ATF7IP: variants seen among roughly 807,000 people sequenced by gnomAD.
The protein encoded by ATF7IP is activating transcription factor 7 interacting protein.
Under a neutral mutation model 106.4 loss-of-function variants are expected in ATF7IP, and 23 were observed. The ratio of observed to expected loss-of-function variants is 0.22; its 90% CI spans 0.16 to 0.31. The LOEUF (loss-of-function observed/expected upper bound fraction) is 0.31, where lower values mean the gene tolerates loss of function less well. Among genes scored for constraint, ATF7IP ranks in the 10% least tolerant of loss-of-function variants. The probability of loss-of-function intolerance (pLI) is 1.00; values close to 1 mark genes in which losing one functional copy is unlikely to be tolerated. For missense variants in ATF7IP, 1,334 were observed against 1,524.3 expected (o/e 0.88, Z 2.08); for synonymous variants, 542 against 539.0 (o/e 1.01, Z -0.08).
chr12:14,489,920 CT>C (rs1486501585), intron 13 of ATF7IP, among the ~76,000 whole-genome samples: 1 of 152,196 alleles, frequency 6.6e-6, no homozygotes, highest in Non-Finnish European at 1.5e-5. Context: ...GAGTATATGT[CT>C]ATTCCAGGGA....
At chr12:14,423,574 C>CTT in intron 1 of ATF7IP, among the ~76,000 whole-genome samples, 363 of 34,298 alleles carry the variant, frequency 0.011, 9 homozygotes, top group African/African-American at 0.029. Context: ...TCTTCAGGTA[C>CTT]TTTTTTTTTT....
At chr12:14,492,363 C>G (rs1180723222) in intron 13 of ATF7IP, among the ~76,000 whole-genome samples, 2 of 152,070 alleles carry the variant, frequency 1.3e-5, no homozygotes, top group East Asian at 1.9e-4. Flanking sequence ...CACAGTTACC[C>G]TGGTAAAAGG....
rs139380021 is a variant in ATF7IP at position 14,380,474 on chromosome 12, A to T, written c.-8+14647A>T. ...TTAGGTCTTATGTCTTGTGCTGGTC[A>T]GACACCCTCAGGGAATAGTCTTCCA... On this transcript the variant is annotated intron_variant, in intron 1 of 14. Coordinates refer to ENST00000261168, the MANE Select transcript of ATF7IP (RefSeq NM_018179.5). Among the ~76,000 whole-genome samples the T allele has an allele frequency of 3.3e-5, 5 of 152,308 alleles. No individual in the cohort carries two copies. The East Asian group carries it at 9.6e-4, about 29-fold the overall frequency.
chr12:14,485,724 C>T (rs2098547), intron 13 of ATF7IP, among the ~76,000 whole-genome samples: 61,671 of 151,984 alleles, frequency 0.41, 13,222 homozygotes, highest in East Asian at 0.59. Flanking sequence ...AAAGGATTTG[C>T]CAAGTCAATG....
intron 1 of ATF7IP, chr12:14,419,287 C>T (rs994030106): frequency 1.3e-5 from 2 of 152,112 alleles, no homozygotes; most frequent in African/African-American, 4.8e-5. Context: ...AATCTGTCTA[C>T]AGTCTACAGA....
intron 13 of ATF7IP, among the ~76,000 whole-genome samples, chr12:14,483,661 C>G (rs1357563267): frequency 6.6e-6 from 1 of 152,024 alleles, no homozygotes; most frequent in Non-Finnish European, 1.5e-5. Context: ...ACCCATGAAT[C>G]CTGGCTATGG....
At chr12:14,497,241 T>C (rs973949944) in intron 14 of ATF7IP, among the ~76,000 whole-genome samples, 52 of 152,338 alleles carry the variant, frequency 3.4e-4, no homozygotes, top group African/African-American at 1.1e-3. Flanking sequence ...ATTCTCCAAT[T>C]TTATATGATC....
chr12:14,478,361 T>C lies in ATF7IP; in HGVS notation c.2986T>C (p.Ser996Pro). 6.2e-7 allele frequency: 1 copy of C among 1,614,074 alleles called. No homozygotes were observed. Among genetic ancestry groups the C allele is most frequent in the Non-Finnish European group, 8.5e-7 (1 of 1,179,958 alleles). Reference sequence around the variant, plus strand: ...CACTCCTGTATCAACCATGAGTTCTTCTCAGCCTGTGTCACGACCATTGCA... The same window carrying C: ...CACTCCTGTATCAACCATGAGTTCTCCTCAGCCTGTGTCACGACCATTGCA... ...NHTPVSTMSS[S>P]QPVSRPLQPI... Residue 996 changes from serine to proline, a missense_variant, in exon 12 of 15, where the codon TCT (serine) becomes CCT (proline). By Grantham distance (74) the Ser-to-Pro change is moderately conservative. Around this residue, in one of 10 missense-constraint regions of ATF7IP, gnomAD observed 370 missense variants for 401.2 expected, o/e 0.92. Transcript: ENST00000261168.
rs1361734452 is a variant in ATF7IP, at chr12:14,501,986, ATC to A, written c.*3918_*3919del. 5 of 152,192 alleles carry A rather than the reference ATC, an allele frequency of 3.3e-5. No individual in the cohort carries two copies. The East Asian group carries it at 9.6e-4, about 29-fold the overall frequency. 9.4% of individuals were successfully genotyped at this position (152,192 alleles called of 1,614,324 possible). ...ACAAAGTAATGCCTGTGGTATCCTC[ATC>A]TCTCACTTTTTTACTCTGTGATTTT... On this transcript the variant is annotated 3_prime_UTR_variant, in exon 15 of 15. Transcript: ENST00000261168.
intron 1 of ATF7IP, among the ~76,000 whole-genome samples, chr12:14,415,501 G>C (rs2136514504): frequency 6.6e-6 from 1 of 152,100 alleles, no homozygotes; most frequent in African/African-American, 2.4e-5. Context: ...GGGAATTGTT[G>C]GTAAAGCAAA....
At chr12:14,395,075 T>C (rs1939763702) in intron 1 of ATF7IP, 1 of 152,118 alleles carries the variant, frequency 6.6e-6, no homozygotes, top group Non-Finnish European at 1.5e-5. Context: ...AATTTTAATA[T>C]GTAGCCAACC....
At chr12:14,390,738 T>C (rs563249328) in intron 1 of ATF7IP, among the ~76,000 whole-genome samples, 80 of 152,376 alleles carry the variant, frequency 5.3e-4, no homozygotes, top group African/African-American at 1.7e-3. Context: ...TTACAAACTT[T>C]ATTTTTGTTG....
intron 1 of ATF7IP, among the ~76,000 whole-genome samples, chr12:14,413,495 G>GATGAA: frequency 6.6e-6 from 1 of 152,220 alleles, no homozygotes; most frequent in Admixed American, 6.5e-5. Flanking sequence ...AAACTTAAAT[G>GATGAA]ATGAAATGCA....
At chr12:14,439,281 C>T (rs552563595) in intron 5 of ATF7IP, among the ~76,000 whole-genome samples, 1 of 152,072 alleles carries the variant, frequency 6.6e-6, no homozygotes, top group South Asian at 2.1e-4. Context: ...ATGTATAGGG[C>T]CTTATTTTGC....
At chr12:14,450,965 G>A (rs1018009035) in intron 6 of ATF7IP, among the ~76,000 whole-genome samples, 1 of 151,896 alleles carries the variant, frequency 6.6e-6, no homozygotes, top group Non-Finnish European at 1.5e-5. Flanking sequence ...TAGTAGAGAC[G>A]GGCTTTCGTC....
At chr12:14,486,946 C>T (rs577782891) in intron 13 of ATF7IP, among the ~76,000 whole-genome samples, 11 of 152,266 alleles carry the variant, frequency 7.2e-5, no homozygotes, top group African/African-American at 2.6e-4. Flanking sequence ...ATCTTCTGGA[C>T]CCTCCCAGCT....
At chr12:14,487,125 C>CTTTT in intron 13 of ATF7IP, among the ~76,000 whole-genome samples, 1 of 151,062 alleles carries the variant, frequency 6.6e-6, no homozygotes, top group African/African-American at 2.4e-5. Flanking sequence ...CTATTAGAAC[C>CTTTT]TTTTTTTTTA....
At chr12:14,413,640 G>T (rs1941048334) in intron 1 of ATF7IP, among the ~76,000 whole-genome samples, 1 of 152,134 alleles carries the variant, frequency 6.6e-6, no homozygotes, top group South Asian at 2.1e-4. Context: ...CACATCATAT[G>T]TAAAGTTGAA....
chr12:14,418,794 G>A (rs1457545624), intron 1 of ATF7IP, among the ~76,000 whole-genome samples: 1 of 152,070 alleles, frequency 6.6e-6, no homozygotes, highest in Non-Finnish European at 1.5e-5. Flanking sequence ...TGTGGGTATG[G>A]ATGGTAGTTA....
Sources: allele counts gnomAD v4.1 joint callset (sites outside exome capture counted in the v4.1 genomes callset), GRCh38; gene constraint gnomAD v4.1.1; regional missense constraint gnomAD v4.1.1; transcripts MANE v1.5; gene names NCBI Gene and HGNC (gene_info 2026-07-23, HGNC 2026-07-21).